The following CCSER2 variants were observed in gnomAD, a reference collection of about 807,000 sequenced individuals.
CCSER2 encodes coiled-coil serine rich protein 2, also known as serine-rich coiled-coil domain-containing protein 2.
Under a neutral mutation model 92.3 loss-of-function variants are expected in CCSER2, and 46 were observed. That is an observed-to-expected ratio of 0.50 (90% CI 0.39 to 0.64). CCSER2 has a LOEUF of 0.64. Among genes scored for constraint, CCSER2 ranks in the 30% least tolerant of loss-of-function variants. The probability of loss-of-function intolerance (pLI) is 0.00; values close to 1 mark genes in which losing one functional copy is unlikely to be tolerated. For missense variants in CCSER2, 1,244 were observed against 1,238.9 expected (o/e 1.00, Z -0.06); for synonymous variants, 433 against 431.4 (o/e 1.00, Z -0.04).
chr10:84,419,529 C>T (rs577431224), intron 4 of CCSER2, among the ~76,000 whole-genome samples: 9 of 152,240 alleles, frequency 5.9e-5, no homozygotes, highest in Admixed American at 2.0e-4. Context: ...AATGAAGGCT[C>T]TGCACATGAT....
At position 84,516,284 on chromosome 10, in the gene CCSER2, A is replaced by G. The variant is rs1849594027; in HGVS notation, c.*2017A>G. On this transcript the variant is annotated 3_prime_UTR_variant, in exon 10 of 10. Coordinates refer to ENST00000372088, the MANE Select transcript of CCSER2 (RefSeq NM_001284240.2). ...AGGTGAGCAAGACAAATCTTGTACC[A>G]TACTCTTATGTACCAGCACTTCTGA... is the stretch of plus-strand genomic sequence containing the variant. The G allele has an allele frequency of 6.6e-6, 1 of 152,230 alleles. No homozygotes were observed. The highest frequency in any genetic ancestry group is 2.4e-5 in the African/African-American group (1 of 41,458). The allele number at this position is 152,230 out of a possible 1,614,324, so 9.4% of individuals were successfully genotyped here.
chr10:84,332,430 A>ATTT (rs1183571212), intron 1 of CCSER2, among the ~76,000 whole-genome samples: 882 of 72,684 alleles, frequency 0.012, 46 homozygotes, highest in Non-Finnish European at 0.015. Context: ...ATATATATAT[A>ATTT]TATATATTTT....
In CCSER2 at chr10:84,457,320, A is replaced by ATTATATG. The variant is rs1564685043; in HGVS notation, c.2065-6607_2065-6606insGTTATAT. Among the ~76,000 whole-genome samples the ATTATATG allele has an allele frequency of 1.6e-4, 13 of 80,660 alleles. No homozygotes were observed. The East Asian group carries it at 3.9e-3, about 24-fold the overall frequency. The allele number at this position is 80,660 out of a possible 152,430, so 52.9% of individuals were successfully genotyped here. On this transcript the variant is annotated intron_variant, in intron 6 of 9. Coordinates refer to ENST00000372088, the MANE Select transcript of CCSER2 (RefSeq NM_001284240.2). Reference sequence around the variant, plus strand: ...ATATATAATATGTTATATATAATATATTATATATAATATATTATATATTAT... The same window carrying ATTATATG: ...ATATATAATATGTTATATATAATATATTATATGTTATATATAATATATTATATATTAT...
At chr10:84,499,833 C>A in intron 9 of CCSER2, 2 of 1,605,150 alleles carry the variant, frequency 1.2e-6, no homozygotes, top group Non-Finnish European at 1.7e-6. Flanking sequence ...TTTTTGGTTC[C>A]CTTTTTTATT....
intron 3 of CCSER2, among the ~76,000 whole-genome samples, chr10:84,404,671 A>G (rs1340033217): frequency 1.3e-5 from 2 of 152,240 alleles, no homozygotes; most frequent in Non-Finnish European, 2.9e-5. Flanking sequence ...TGACTTAAAA[A>G]AAACAAGATT....
chr10:84,384,668 C>G (rs964249041), intron 3 of CCSER2, among the ~76,000 whole-genome samples: 5 of 152,126 alleles, frequency 3.3e-5, no homozygotes, highest in Non-Finnish European at 7.4e-5. Context: ...CAACATCATA[C>G]TGAATAGGCA....
chr10:84,476,329 C>T (rs747882022), intron 8 of CCSER2, among the ~76,000 whole-genome samples: 5 of 150,354 alleles, frequency 3.3e-5, no homozygotes, highest in African/African-American at 9.7e-5. Context: ...ATGGAATAAT[C>T]AAGAATTTTT....
chr10:84,402,097 T>C (rs1475027426), intron 3 of CCSER2, among the ~76,000 whole-genome samples: 3 of 152,212 alleles, frequency 2.0e-5, no homozygotes, highest in Non-Finnish European at 4.4e-5. Flanking sequence ...GCATGTGGCC[T>C]CAAGGCATTC....
intron 6 of CCSER2, among the ~76,000 whole-genome samples, chr10:84,446,581 C>G (rs1035278779): frequency 6.6e-6 from 1 of 151,772 alleles, no homozygotes; most frequent in Admixed American, 6.6e-5. Context: ...TTTCTCTCAT[C>G]ACTCCAGGAA....
chr10:84,408,549 C>T (rs1025288399), intron 3 of CCSER2, among the ~76,000 whole-genome samples: 1 of 151,988 alleles, frequency 6.6e-6, no homozygotes, highest in Non-Finnish European at 1.5e-5. Flanking sequence ...CCTTTACATT[C>T]ATTAGAGTAG....
chr10:84,370,964 A>T, intron 1 of CCSER2, 50 bp from the exon 2 acceptor site: 1 of 812,916 alleles, frequency 1.2e-6, no homozygotes, highest in Non-Finnish European at 1.8e-6. Flanking sequence ...TAATTCATGT[A>T]ATTATCCTTA....
intron 9 of CCSER2, among the ~76,000 whole-genome samples, chr10:84,482,316 T>C (rs1207387883): frequency 1.3e-5 from 2 of 152,160 alleles, no homozygotes; most frequent in Non-Finnish European, 2.9e-5. Context: ...AAAAGAAGAA[T>C]AACAATATGG....
intron 3 of CCSER2, among the ~76,000 whole-genome samples, chr10:84,400,840 G>A (rs1842081068): frequency 1.3e-5 from 2 of 152,086 alleles, no homozygotes; most frequent in African/African-American, 4.8e-5. Flanking sequence ...CTTGAACCAG[G>A]GAGGTGGCAG....
At chr10:84,456,293 A>C (rs1845615649) in intron 6 of CCSER2, among the ~76,000 whole-genome samples, 1 of 152,226 alleles carries the variant, frequency 6.6e-6, no homozygotes, top group Admixed American at 6.5e-5. Context: ...ATATGAAAAG[A>C]TTATCATATA....
Position 84,513,921 on chromosome 10 carries a change from C to T in CCSER2, c.2798C>T (p.Pro933Leu), listed in dbSNP as rs1290915451. 52 of 1,536,338 alleles carry T rather than the reference C, an allele frequency of 3.4e-5. No homozygotes were observed. The highest frequency in any genetic ancestry group is 4.8e-5 in the South Asian group (4 of 84,070). ...LKPSILSSLVPPPVSESSPSR... is the reference protein window; with the variant it reads ...LKPSILSSLVLPPVSESSPSR... ...CCATCCATATTGAGTTCTTTGGTAC[C>T]GCCTCCAGTTTCTGAATCATCTCCA... The change falls in exon 10 of 10, where the codon CCG (proline) becomes CTG (leucine). Residue 933 changes from proline (P) to leucine (L), a missense_variant. Coordinates refer to ENST00000372088, the MANE Select transcript of CCSER2 (RefSeq NM_001284240.2).
chr10:84,448,829 T>G (rs1845087741), intron 6 of CCSER2, among the ~76,000 whole-genome samples: 1 of 152,218 alleles, frequency 6.6e-6, no homozygotes, highest in South Asian at 2.1e-4. Flanking sequence ...GAACCATTTG[T>G]TGTGTACTCT....
At chr10:84,503,571 C>T (rs1453397614) in intron 9 of CCSER2, among the ~76,000 whole-genome samples, 1 of 152,148 alleles carries the variant, frequency 6.6e-6, no homozygotes, top group Non-Finnish European at 1.5e-5. Flanking sequence ...AATAGAAAGC[C>T]TTCCTGGTAA....
Position 84,514,519 on chromosome 10 carries a change from C to A in CCSER2, c.*252C>A. On this transcript the variant is annotated 3_prime_UTR_variant, in exon 10 of 10. Coordinates refer to ENST00000372088, the MANE Select transcript of CCSER2 (RefSeq NM_001284240.2). Reference sequence around the variant, plus strand: ...CCCATTTCAGAGGCCTGCCAAAGGCCCAAATCATGTTATCCATCCCTCTCC... The same window carrying A: ...CCCATTTCAGAGGCCTGCCAAAGGCACAAATCATGTTATCCATCCCTCTCC... 2.1e-6 allele frequency: 1 copy of A among 477,208 alleles called. No homozygotes were observed. The highest frequency in any genetic ancestry group is 3.7e-6 in the Non-Finnish European group (1 of 271,192). The allele number at this position is 477,208 out of a possible 1,614,324, so 29.6% of individuals were successfully genotyped here.
chr10:84,425,697 A>G (rs1176292545), intron 4 of CCSER2, 34 bp from the exon 5 acceptor site: 1 of 1,493,670 alleles, frequency 6.7e-7, no homozygotes, highest in African/African-American at 1.4e-5. Context: ...GAGTATGTAC[A>G]TGTTTATAGT....
Sources: gnomAD v4.1 joint callset for allele counts (sites outside exome capture counted in the v4.1 genomes callset) on GRCh38, gnomAD v4.1.1 for gene constraint, MANE v1.5 for transcripts, NCBI Gene and HGNC (gene_info 2026-07-23, HGNC 2026-07-21) for gene names.